Variants in RYR2 observed in about 807,000 individuals in gnomAD.
RYR2 encodes the protein ryanodine receptor 2.
A neutral mutation model predicts 601.1 loss-of-function variants in RYR2; 227 were observed. The observed-to-expected ratio is 0.38, with a 90% CI of 0.34 to 0.42. The LOEUF (loss-of-function observed/expected upper bound fraction) is 0.42. Ranked by LOEUF, RYR2 falls within the 10% of genes least tolerant of loss-of-function variation. RYR2 has a pLI of 1.00. For synonymous variants in RYR2, 2,223 were observed against 2,175.1 expected (o/e 1.02, Z -0.61); for missense variants, 4,646 against 6,156.5 (o/e 0.75, Z 8.21).
intron 12 of RYR2, among the ~76,000 whole-genome samples, chr1:237,430,114 T>C (rs1295463813): frequency 6.7e-6 from 1 of 150,186 alleles, no homozygotes; most frequent in Non-Finnish European, 1.5e-5. Flanking sequence ...ATATAACATA[T>C]ATAACATTCA....
At chr1:237,253,366 C>T (rs893406165) in intron 1 of RYR2, among the ~76,000 whole-genome samples, 2 of 152,186 alleles carry the variant, frequency 1.3e-5, no homozygotes, top group Admixed American at 6.5e-5. Flanking sequence ...GATTTGGCTT[C>T]AGTGGGCTCT....
intron 1 of RYR2, among the ~76,000 whole-genome samples, chr1:237,101,867 A>G (rs1405985933): frequency 1.3e-5 from 2 of 152,200 alleles, no homozygotes; most frequent in Non-Finnish European, 2.9e-5. Flanking sequence ...TATTTCTTCC[A>G]TCTAAGCAAG....
intron 2 of RYR2, among the ~76,000 whole-genome samples, chr1:237,290,666 A>AT (rs1302623072): frequency 6.6e-6 from 1 of 152,224 alleles, no homozygotes; most frequent in African/African-American, 2.4e-5. Flanking sequence ...ACAGAGCAAC[A>AT]TAAAAACAGC....
At chr1:237,132,944 T>C (rs1039191863) in intron 1 of RYR2, among the ~76,000 whole-genome samples, 6 of 152,042 alleles carry the variant, frequency 3.9e-5, no homozygotes, top group Non-Finnish European at 8.8e-5. Context: ...TTGGGTTTTT[T>C]ACCAAGGATG....
intron 42 of RYR2, 136 bp downstream of exon 42, chr1:237,631,677 G>A: frequency 4.6e-6 from 2 of 435,344 alleles, no homozygotes; most frequent in Non-Finnish European, 7.4e-6. Context: ...CGCCCAGGCT[G>A]GAGTGCAGTG....
intron 1 of RYR2, among the ~76,000 whole-genome samples, chr1:237,145,650 A>C (rs1673923592): frequency 6.6e-6 from 1 of 152,180 alleles, no homozygotes; most frequent in Non-Finnish European, 1.5e-5. Context: ...GTCTTGGTAC[A>C]TGTTGGATAT....
intron 1 of RYR2, among the ~76,000 whole-genome samples, chr1:237,211,392 A>C (rs1433689358): frequency 3.9e-5 from 6 of 152,188 alleles, no homozygotes; most frequent in African/African-American, 1.4e-4. Context: ...CTTTGTTAGC[A>C]TGATAATTTT....
At chr1:237,402,926 C>G (rs530898688) in intron 10 of RYR2, among the ~76,000 whole-genome samples, 2 of 151,892 alleles carry the variant, frequency 1.3e-5, no homozygotes, top group Non-Finnish European at 2.9e-5. Context: ...CTCCTTCCCC[C>G]CAAAAAAGAT....
rs574198936 is a variant in RYR2, at chr1:237,176,576, A to AT, written c.49-93914dup. Among the ~76,000 whole-genome samples the AT allele has an allele frequency of 7.9e-3, 1,189 of 151,434 alleles. 23 individuals carry two copies. The highest frequency in any genetic ancestry group is 0.028 in the African/African-American group (1,144 of 41,420). On this transcript the variant is annotated intron_variant, in intron 1 of 104. Transcript: ENST00000366574. ...GAAAGTTTTATTTATTTATTTATTT[A>AT]TTTTTTTAAAAAACACCTTTAATAT...
At position 237,658,974 on chromosome 1, in the gene RYR2, G is replaced by A. The variant is rs139898032; in HGVS notation, c.8208+952G>A. Among the ~76,000 whole-genome samples the A allele has an allele frequency of 2.0e-3, 311 of 152,270 alleles. 3 individuals carry two copies. Among genetic ancestry groups the A allele is most frequent in the African/African-American group, 7.3e-3 (304 of 41,558 alleles). ...CTTATGCCTACAGGTTCATGTTTAA[G>A]TTGAGCTTAGTCTAAACTTGACAGA... On this transcript the variant is annotated intron_variant, in intron 54 of 104. Coordinates refer to ENST00000366574, the MANE Select transcript of RYR2 (RefSeq NM_001035.3).
Position 237,347,588 on chromosome 1 carries a change from C to T in RYR2, c.274-8377C>T, listed in dbSNP as rs114867622. On this transcript the variant is annotated intron_variant, in intron 3 of 104. Coordinates refer to ENST00000366574, the MANE Select transcript of RYR2 (RefSeq NM_001035.3). ...TGGGGTTTTGTTGGGAAGAAAACAT[C>T]TAGGCCAGAAACGATGTACTTTTAC... is the stretch of plus-strand genomic sequence containing the variant. 8.3e-3 allele frequency among the ~76,000 whole-genome samples: 1,265 copies of T among 152,180 alleles called. 15 individuals are homozygous for T. The highest frequency in any genetic ancestry group is 0.029 in the African/African-American group (1,193 of 41,536).
intron 16 of RYR2, among the ~76,000 whole-genome samples, chr1:237,460,246 A>G (rs1188672124): frequency 1.3e-5 from 2 of 151,910 alleles, no homozygotes; most frequent in East Asian, 1.9e-4. Flanking sequence ...AGAGTGTGCT[A>G]TTTCCTAAAA....
intron 100 of RYR2, among the ~76,000 whole-genome samples, chr1:237,813,106 G>C (rs921471317): frequency 6.6e-6 from 1 of 152,072 alleles, no homozygotes; most frequent in Admixed American, 6.6e-5. Flanking sequence ...TTTAATATCA[G>C]CTGTGCTCAG....
At chr1:237,635,688 T>C (rs1680803485) in intron 44 of RYR2, among the ~76,000 whole-genome samples, 1 of 152,106 alleles carries the variant, frequency 6.6e-6, no homozygotes, top group South Asian at 2.1e-4. Flanking sequence ...CTCCATCCAG[T>C]ACTCCCCAAA....
intron 1 of RYR2, among the ~76,000 whole-genome samples, chr1:237,174,234 G>A (rs948026040): frequency 6.6e-5 from 10 of 152,114 alleles, no homozygotes; most frequent in Admixed American, 5.2e-4. Flanking sequence ...AGGATGGTGC[G>A]TTTATAATAA....
chr1:237,445,345 C>T (rs1301484739), intron 13 of RYR2, 56 bp from the exon 14 acceptor site: 16 of 1,606,488 alleles, frequency 1.0e-5, no homozygotes, highest in Non-Finnish European at 1.4e-5. Flanking sequence ...ATCTCCCTAA[C>T]TCTAGTTTGG....
intron 12 of RYR2, among the ~76,000 whole-genome samples, chr1:237,438,749 GATT>G (rs1572334168): frequency 6.6e-6 from 1 of 152,218 alleles, no homozygotes; most frequent in Non-Finnish European, 1.5e-5. Context: ...GTAGCAGACA[GATT>G]GGGCACTGCA....
At chr1:237,190,651 AAC>A (rs1428643389) in intron 1 of RYR2, among the ~76,000 whole-genome samples, 1 of 152,234 alleles carries the variant, frequency 6.6e-6, no homozygotes, top group African/African-American at 2.4e-5. Context: ...CTATTTATAT[AAC>A]AGTCACATGG....
chr1:237,272,648 AAAG>A (rs1689819178), intron 2 of RYR2, among the ~76,000 whole-genome samples: 1 of 150,016 alleles, frequency 6.7e-6, no homozygotes, highest in Admixed American at 6.7e-5. Context: ...TTATATATAA[AAAG>A]AGAATAAGAA....
Sources: allele counts gnomAD v4.1 joint callset (sites outside exome capture counted in the v4.1 genomes callset), GRCh38; gene constraint gnomAD v4.1.1; transcripts MANE v1.5; gene names NCBI Gene and HGNC (gene_info 2026-07-23, HGNC 2026-07-21).